Variants in MBNL3 observed in about 807,000 individuals in gnomAD.
MBNL3 encodes muscleblind like splicing regulator 3, also known as muscleblind-like protein 3.
In MBNL3, 6 loss-of-function variants were observed where a neutral mutation model predicts 24.5. That is an observed-to-expected ratio of 0.25 (90% CI 0.13 to 0.48). The LOEUF is 0.48. Ranked by LOEUF, MBNL3 falls within the 20% of genes least tolerant of loss-of-function variation. MBNL3 has a pLI of 0.99. For missense variants in MBNL3, 230 were observed against 293.5 expected (o/e 0.78, Z 1.58); for synonymous variants, 100 against 101.7 (o/e 0.98, Z 0.10).
intron 2 of MBNL3, among the ~76,000 whole-genome samples, chrX:132,409,982 G>A (rs1942490440): frequency 9.0e-6 from 1 of 111,446 alleles, no homozygotes; most frequent in Non-Finnish European, 1.9e-5. Flanking sequence ...CTACACCTAT[G>A]AATCATATGA....
rs745497921 is a variant in MBNL3 at position 132,465,169 on chromosome X, C to T, written c.-704+23682G>A. ...TATAGGATTCTAATATACAGGCTAT[C>T]AAAAAGCTTACCTCTGGTAAATTAC... On this transcript the variant is annotated intron_variant, in intron 1 of 8. Transcript: ENST00000370853. Among the ~76,000 whole-genome samples, 12 of 112,153 alleles carry T rather than the reference C, an allele frequency of 1.1e-4. No homozygotes were observed. The East Asian group carries it at 2.8e-3, about 26-fold the overall frequency.
chrX:132,370,330 A>G lies in MBNL3; in HGVS notation c.*9336T>C, dbSNP rs760811409. On this transcript the variant is annotated 3_prime_UTR_variant, in exon 9 of 9. Coordinates refer to ENST00000370853, the MANE Select transcript of MBNL3 (RefSeq NM_001386889.1). ...ATGACCATGGGAATGGATTCTGGTC[A>G]GTGGAATTTTAGGATGTTCACTATC... The G allele has an allele frequency of 6.3e-5, 7 of 111,920 alleles. No homozygotes were observed. The highest frequency in any genetic ancestry group is 9.4e-5 in the Non-Finnish European group (5 of 53,147). 9.2% of individuals were successfully genotyped at this position (111,920 alleles called of 1,213,427 possible). A position where few individuals can be genotyped will look rare whatever the true frequency, so the allele number is the denominator to read the frequency against.
chrX:132,437,628 C>G (rs746349360), intron 2 of MBNL3, among the ~76,000 whole-genome samples: 70 of 111,139 alleles, frequency 6.3e-4, no homozygotes, highest in South Asian at 4.5e-3. Context: ...TACCCCAGAT[C>G]TCCTGAAACA....
chrX:132,427,688 T>C (rs142144926), intron 2 of MBNL3, among the ~76,000 whole-genome samples: 1 of 111,886 alleles, frequency 8.9e-6, no homozygotes, highest in Non-Finnish European at 1.9e-5. Flanking sequence ...GATACTACAA[T>C]GTAATCTACT....
chrX:132,378,847 G>A lies in MBNL3; in HGVS notation c.*819C>T, dbSNP rs1440598568. ...GCTATTTAAGAAGAGTGAATTAGGG[G>A]TTAATGTTTTATGAAGTTCTCTGCT... On this transcript the variant is annotated 3_prime_UTR_variant, in exon 9 of 9. Coordinates refer to ENST00000370853, the MANE Select transcript of MBNL3 (RefSeq NM_001386889.1). 1 of 111,961 alleles carries A rather than the reference G, an allele frequency of 8.9e-6. No homozygotes were observed. Among genetic ancestry groups the A allele is most frequent in the East Asian group, 2.8e-4 (1 of 3,559 alleles). 9.2% of individuals were successfully genotyped at this position (111,961 alleles called of 1,213,427 possible).
chrX:132,439,921 T>A lies in MBNL3; in HGVS notation c.-310A>T, dbSNP rs1266440168. Reference sequence around the variant, plus strand: ...TTTATGTTAAATAACCGGCAGACTTTCAAAAGAATTCTGGGCTCTGCAGTT... The same window carrying A: ...TTTATGTTAAATAACCGGCAGACTTACAAAAGAATTCTGGGCTCTGCAGTT... On this transcript the variant is annotated 5_prime_UTR_variant, in exon 2 of 9. Transcript: ENST00000370853. Among the ~76,000 whole-genome samples, 4 of 111,848 alleles carry A rather than the reference T, an allele frequency of 3.6e-5. No homozygotes were observed. The highest frequency in any genetic ancestry group is 2.9e-4 in the Admixed American group (3 of 10,494).
intron 3 of MBNL3, among the ~76,000 whole-genome samples, chrX:132,398,775 T>C (rs1405610694): frequency 9.0e-6 from 1 of 110,604 alleles, no homozygotes. Flanking sequence ...GAGTTTAAAA[T>C]TATCAAGGGT....
intron 2 of MBNL3, among the ~76,000 whole-genome samples, chrX:132,427,588 G>T (rs768329986): frequency 9.0e-6 from 1 of 111,552 alleles, no homozygotes; most frequent in Admixed American, 9.5e-5. Flanking sequence ...GATGAACAAA[G>T]ATATTAAGAC....
chrX:132,489,196 G>C (rs1476312649), upstream of MBNL3, among the ~76,000 whole-genome samples: 5 of 112,560 alleles, frequency 4.4e-5, no homozygotes, highest in South Asian at 3.7e-4. Flanking sequence ...CGGAGGCGAC[G>C]GTTCCCCCTC....
intron 2 of MBNL3, among the ~76,000 whole-genome samples, chrX:132,410,777 TA>T (rs1453064984): frequency 8.9e-6 from 1 of 112,389 alleles, no homozygotes; most frequent in Non-Finnish European, 1.9e-5. Flanking sequence ...AAATCATATG[TA>T]CCAGTTTGGC....
intron 3 of MBNL3, among the ~76,000 whole-genome samples, chrX:132,395,743 A>T (rs1938053012): frequency 9.0e-6 from 1 of 111,634 alleles, no homozygotes; most frequent in African/African-American, 3.3e-5. Flanking sequence ...ACTGGCTCCT[A>T]ATCTTTTTTG....
chrX:132,414,951 C>T (rs888262529), intron 2 of MBNL3, among the ~76,000 whole-genome samples: 1 of 111,665 alleles, frequency 9.0e-6, no homozygotes, highest in African/African-American at 3.3e-5. Flanking sequence ...TGCAAAGTAA[C>T]ATCCCACAAT....
At chrX:132,416,401 G>A (rs1258495819) in intron 2 of MBNL3, among the ~76,000 whole-genome samples, 1 of 111,696 alleles carries the variant, frequency 9.0e-6, no homozygotes, top group East Asian at 2.8e-4. Flanking sequence ...CATGGAGATA[G>A]AGAGTGGAAT....
At chrX:132,380,033 T>G (rs1444540859) in intron 8 of MBNL3, among the ~76,000 whole-genome samples, 1 of 112,608 alleles carries the variant, frequency 8.9e-6, no homozygotes, top group Non-Finnish European at 1.9e-5. Flanking sequence ...CATTTTGAAA[T>G]ATGCAAATAT....
chrX:132,420,399 CA>C (rs1255523438), intron 2 of MBNL3, among the ~76,000 whole-genome samples: 3 of 110,698 alleles, frequency 2.7e-5, no homozygotes, highest in East Asian at 5.7e-4. Context: ...CAGGCCGTAA[CA>C]AACATGGACC....
At position 132,377,780 on chromosome X, in the gene MBNL3, TG is replaced by T. The variant is rs747941273; in HGVS notation, c.*1885del. 11 of 109,905 alleles carry T rather than the reference TG, an allele frequency of 1.0e-4. No homozygotes were observed. In the East Asian group the frequency reaches 2.6e-3, roughly 26 times the overall value. 9.1% of individuals were successfully genotyped at this position (109,905 alleles called of 1,213,427 possible). A position where few individuals can be genotyped will look rare whatever the true frequency, so the allele number is the denominator to read the frequency against. ...TCCTCAATCAGATTTGCTTTTTACT[TG>T]TCATTTTCATGAAGGAGAAAAACCA... is the stretch of plus-strand genomic sequence containing the variant. On this transcript the variant is annotated 3_prime_UTR_variant, in exon 9 of 9. Coordinates refer to ENST00000370853, the MANE Select transcript of MBNL3 (RefSeq NM_001386889.1).
chrX:132,466,572 T>TA (rs1443271094), intron 1 of MBNL3, among the ~76,000 whole-genome samples: 3 of 112,079 alleles, frequency 2.7e-5, no homozygotes, highest in Non-Finnish European at 5.6e-5. Context: ...TGAGTGATCT[T>TA]AGAGAGGGCC....
chrX:132,436,144 A>G (rs1945105504), intron 2 of MBNL3, among the ~76,000 whole-genome samples: 1 of 112,175 alleles, frequency 8.9e-6, no homozygotes, highest in Non-Finnish European at 1.9e-5. Flanking sequence ...TTTGAAGAAA[A>G]CTTTGGAGAC....
chrX:132,406,200 C>T, intron 3 of MBNL3, 28 bp downstream of exon 3: 1 of 1,209,024 alleles, frequency 8.3e-7, no homozygotes, highest in Non-Finnish European at 1.1e-6. Context: ...TCTTTATCGG[C>T]AATTTTCAAA....
Sources: gnomAD v4.1 joint callset for allele counts (sites outside exome capture counted in the v4.1 genomes callset) on GRCh38, gnomAD v4.1.1 for gene constraint, MANE v1.5 for transcripts, NCBI Gene and HGNC (gene_info 2026-07-23, HGNC 2026-07-21) for gene names.